Variants in DOCK8 observed in about 807,000 individuals in gnomAD.
DOCK8 encodes dedicator of cytokinesis 8, also known as dedicator of cytokinesis protein 8.
A neutral mutation model predicts 245.6 loss-of-function variants in DOCK8; 141 were observed. The observed-to-expected ratio is 0.57, with a 90% confidence interval of 0.50 to 0.66. The LOEUF (loss-of-function observed/expected upper bound fraction) is 0.66. Among genes scored for constraint, DOCK8 ranks in the 30% least tolerant of loss-of-function variants. The pLI, the probability that DOCK8 is intolerant of heterozygous loss-of-function variation, is 0.00. For synonymous variants in DOCK8, 1,168 were observed against 970.2 expected (o/e 1.20, Z -3.79); for missense variants, 2,965 against 2,603.4 (o/e 1.14, Z -3.02).
At chr9:346,963 A>C (rs10491691) in intron 14 of DOCK8, among the ~76,000 whole-genome samples, 1 of 151,922 alleles carries the variant, frequency 6.6e-6, no homozygotes, top group Admixed American at 6.6e-5. Context: ...CCAAGGAAAT[A>C]GGTTCCCAGT....
At chr9:227,998 G>A (rs1231304179) in intron 1 of DOCK8, among the ~76,000 whole-genome samples, 1 of 152,134 alleles carries the variant, frequency 6.6e-6, no homozygotes, top group Non-Finnish European at 1.5e-5. Flanking sequence ...GGTGGTCATT[G>A]AAAACCTCTG....
At chr9:441,243 C>A in intron 40 of DOCK8, 43 bp from the exon 41 acceptor site, 1 of 1,613,520 alleles carries the variant, frequency 6.2e-7, no homozygotes, top group East Asian at 2.2e-5. Flanking sequence ...CTTAAGTTTC[C>A]AGTGGATTAA....
chr9:400,695 C>CCAT (rs1210856608), intron 26 of DOCK8, among the ~76,000 whole-genome samples: 4 of 105,342 alleles, frequency 3.8e-5, no homozygotes, highest in South Asian at 3.2e-4. Flanking sequence ...ACCACCTCCA[C>CCAT]CACCACCACC....
At chr9:400,783 C>CACCACCA (rs2054939100) in intron 26 of DOCK8, among the ~76,000 whole-genome samples, 1 of 129,894 alleles carries the variant, frequency 7.7e-6, no homozygotes, top group East Asian at 2.2e-4. Context: ...CCACCACCAC[C>CACCACCA]TCCACCATCA....
In DOCK8 at chr9:318,139, C is replaced by T. The variant is rs373762359; in HGVS notation, c.827+1011C>T. Reference sequence around the variant, plus strand: ...TGCAATAGATTGTCTTGTGTACCCTCGGAGTGCCTCCATACCTCTCTTCGT... The same window carrying T: ...TGCAATAGATTGTCTTGTGTACCCTTGGAGTGCCTCCATACCTCTCTTCGT... On this transcript the variant is annotated intron_variant, in intron 7 of 47. Coordinates refer to ENST00000432829, the MANE Select transcript of DOCK8 (RefSeq NM_203447.4). Among the ~76,000 whole-genome samples the T allele has an allele frequency of 4.3e-3, 651 of 152,348 alleles. 1 individual carries two copies. Among genetic ancestry groups the T allele is most frequent in the Middle Eastern group, 0.014 (4 of 294 alleles).
At chr9:248,490 T>C (rs1439957940) in intron 1 of DOCK8, among the ~76,000 whole-genome samples, 1 of 151,672 alleles carries the variant, frequency 6.6e-6, no homozygotes, top group Non-Finnish European at 1.5e-5. Context: ...TCTCCTCTCT[T>C]TCTTCCTTCC....
At chr9:284,821 C>G (rs956229576) in intron 2 of DOCK8, among the ~76,000 whole-genome samples, 2 of 152,124 alleles carry the variant, frequency 1.3e-5, no homozygotes, top group Middle Eastern at 3.2e-3. Flanking sequence ...GGCTATTATC[C>G]TTTGCAAACT....
chr9:335,115 C>G (rs925183082), intron 11 of DOCK8, among the ~76,000 whole-genome samples: 11 of 152,098 alleles, frequency 7.2e-5, no homozygotes, highest in Non-Finnish European at 1.6e-4. Flanking sequence ...ACTCAAGTTT[C>G]CCAGCAAAAT....
intron 2 of DOCK8, among the ~76,000 whole-genome samples, chr9:277,964 G>T (rs142034700): frequency 6.6e-6 from 1 of 152,140 alleles, no homozygotes; most frequent in African/African-American, 2.4e-5. Flanking sequence ...TGATAAATAT[G>T]GTCCTCTTTT....
chr9:309,486 T>C (rs2050001980), intron 5 of DOCK8, among the ~76,000 whole-genome samples: 1 of 152,228 alleles, frequency 6.6e-6, no homozygotes, highest in Non-Finnish European at 1.5e-5. Context: ...AATCCATTTG[T>C]AGTCCTACAA....
intron 14 of DOCK8, among the ~76,000 whole-genome samples, chr9:347,367 G>T (rs537858832): frequency 2.0e-5 from 3 of 152,140 alleles, no homozygotes; most frequent in African/African-American, 7.2e-5. Flanking sequence ...TTAGCCAGGG[G>T]TGGGGGTCCA....
intron 29 of DOCK8, among the ~76,000 whole-genome samples, chr9:416,233 T>C (rs1437230025): frequency 1.3e-5 from 2 of 152,208 alleles, no homozygotes; most frequent in Non-Finnish European, 2.9e-5. Flanking sequence ...AGCGCCTGAT[T>C]GCGCGGAATT....
chr9:239,585 T>C (rs1021990203), intron 1 of DOCK8, among the ~76,000 whole-genome samples: 3 of 152,206 alleles, frequency 2.0e-5, no homozygotes, highest in African/African-American at 4.8e-5. Context: ...TGCAAACAAG[T>C]TTCCTATTCT....
chr9:435,047 G>A, intron 39 of DOCK8, 72 bp downstream of exon 39: 1 of 1,567,012 alleles, frequency 6.4e-7, no homozygotes, highest in Non-Finnish European at 8.7e-7. Flanking sequence ...CAGCCCCAGG[G>A]ACATTTGGCA....
At chr9:409,222 T>C (rs1001126108) in intron 28 of DOCK8, among the ~76,000 whole-genome samples, 1 of 152,150 alleles carries the variant, frequency 6.6e-6, no homozygotes, top group Non-Finnish European at 1.5e-5. Flanking sequence ...GAGCTACAGC[T>C]CCAGTTTCCA....
At chr9:409,581 CT>C (rs1182648632) in intron 28 of DOCK8, among the ~76,000 whole-genome samples, 1 of 151,904 alleles carries the variant, frequency 6.6e-6, no homozygotes, top group Non-Finnish European at 1.5e-5. Flanking sequence ...AATCTGGATT[CT>C]TTTTTTATTA....
intron 2 of DOCK8, among the ~76,000 whole-genome samples, chr9:286,025 A>C (rs1028905744): frequency 6.6e-6 from 1 of 152,126 alleles, no homozygotes; most frequent in Non-Finnish European, 1.5e-5. Flanking sequence ...GTGCCTAAAC[A>C]CTCAGCCAAG....
At chr9:397,206 G>C (rs2054501707) in intron 25 of DOCK8, among the ~76,000 whole-genome samples, 1 of 151,826 alleles carries the variant, frequency 6.6e-6, no homozygotes, top group Admixed American at 6.6e-5. Flanking sequence ...ATAAAAATTA[G>C]CTGAGCATGG....
chr9:250,843 G>A lies in DOCK8; in HGVS notation c.54-20784G>A, dbSNP rs566647036. ...GCTGTCCAGCAAAAGGTCTTTAGTG[G>A]CTATATCAAGAGAAGCTTTTACAGA... On this transcript the variant is annotated intron_variant, in intron 1 of 47. Coordinates refer to ENST00000432829, the MANE Select transcript of DOCK8 (RefSeq NM_203447.4). Among the ~76,000 whole-genome samples the A allele has an allele frequency of 9.2e-5, 14 of 152,338 alleles. No homozygotes were observed. In the South Asian group the frequency reaches 2.9e-3, roughly 32 times the overall value.
Sources: allele counts gnomAD v4.1 joint callset (sites outside exome capture counted in the v4.1 genomes callset), GRCh38; gene constraint gnomAD v4.1.1; transcripts MANE v1.5; gene names NCBI Gene and HGNC (gene_info 2026-07-23, HGNC 2026-07-21).